THSD7A: variants seen among roughly 807,000 people sequenced by gnomAD.
THSD7A encodes thrombospondin type 1 domain containing 7A, also known as thrombospondin type-1 domain-containing protein 7A.
A neutral mutation model predicts 231.3 loss-of-function variants in THSD7A; 96 were observed. That is an observed-to-expected ratio of 0.41 (90% CI 0.35 to 0.49). The LOEUF is 0.49. Ranked by LOEUF, THSD7A falls within the 20% of genes least tolerant of loss-of-function variation. THSD7A has a pLI of 0.05. For missense variants in THSD7A, 2,290 were observed against 2,070.2 expected (o/e 1.11, Z -2.06); for synonymous variants, 940 against 743.3 (o/e 1.26, Z -4.30).
chr7:11,788,889 T>C (rs1275929981), intron 1 of THSD7A, among the ~76,000 whole-genome samples: 2 of 151,928 alleles, frequency 1.3e-5, no homozygotes, highest in Admixed American at 6.6e-5. Flanking sequence ...AGGTAATCAA[T>C]AAATGTAGCT....
At chr7:11,804,873 C>G (rs1197082561) in intron 1 of THSD7A, among the ~76,000 whole-genome samples, 2 of 152,178 alleles carry the variant, frequency 1.3e-5, no homozygotes, top group East Asian at 3.9e-4. Context: ...GACCATTTAA[C>G]TGGTATGTTG....
At chr7:11,736,892 G>A (rs1781934780) in intron 1 of THSD7A, among the ~76,000 whole-genome samples, 1 of 151,864 alleles carries the variant, frequency 6.6e-6, no homozygotes, top group African/African-American at 2.4e-5. Context: ...TGAATCATGG[G>A]GGCAGTTTCC....
chr7:11,392,912 C>G (rs1402151786), intron 23 of THSD7A, among the ~76,000 whole-genome samples: 1 of 151,890 alleles, frequency 6.6e-6, no homozygotes, highest in Non-Finnish European at 1.5e-5. Flanking sequence ...ACTCCCATCT[C>G]CCTGGGATAG....
chr7:11,704,397 T>C (rs913421491), intron 1 of THSD7A, among the ~76,000 whole-genome samples: 2 of 150,916 alleles, frequency 1.3e-5, no homozygotes, highest in Non-Finnish European at 3.0e-5. Context: ...TCCTGAGTCA[T>C]GTAGAAGGTA....
At chr7:11,426,899 C>G (rs1487085100) in intron 14 of THSD7A, among the ~76,000 whole-genome samples, 4 of 152,050 alleles carry the variant, frequency 2.6e-5, no homozygotes, top group Non-Finnish European at 5.9e-5. Flanking sequence ...TTGTAAATAG[C>G]AGAGCCAATG....
intron 4 of THSD7A, among the ~76,000 whole-genome samples, chr7:11,551,362 G>T (rs1789619527): frequency 6.6e-6 from 1 of 152,008 alleles, no homozygotes; most frequent in Admixed American, 6.6e-5. Flanking sequence ...TTAAACTAAA[G>T]AGCTACTTCT....
rs1264569617 is a variant in THSD7A at position 11,374,645 on chromosome 7, A to G, written c.*1149T>C. 1 of 151,928 alleles carries G rather than the reference A, an allele frequency of 6.6e-6. No homozygotes were observed. The highest frequency in any genetic ancestry group is 1.5e-5 in the Non-Finnish European group (1 of 67,960). The allele number at this position is 151,928 out of a possible 1,614,324, so 9.4% of individuals were successfully genotyped here. Reference sequence around the variant, plus strand: ...TTTTTCTTTTTTTTTCTTAACAAAGATAACAAATATAAAAATCTAGTCATA... The same window carrying G: ...TTTTTCTTTTTTTTTCTTAACAAAGGTAACAAATATAAAAATCTAGTCATA... On this transcript the variant is annotated 3_prime_UTR_variant, in exon 28 of 28. Transcript: ENST00000423059.
intron 6 of THSD7A, among the ~76,000 whole-genome samples, chr7:11,506,922 T>C (rs1787568735): frequency 1.3e-5 from 2 of 152,226 alleles, no homozygotes; most frequent in Admixed American, 6.5e-5. Flanking sequence ...ATGTTGATCA[T>C]GAACTGTATC....
chr7:11,709,897 T>C (rs1404896726), intron 1 of THSD7A, among the ~76,000 whole-genome samples: 4 of 150,936 alleles, frequency 2.7e-5, no homozygotes, highest in Middle Eastern at 3.4e-3. Flanking sequence ...ATGGGATCAG[T>C]GCAAACATGC....
intron 1 of THSD7A, among the ~76,000 whole-genome samples, chr7:11,692,568 C>A (rs1244431687): frequency 1.3e-5 from 2 of 151,674 alleles, no homozygotes; most frequent in Middle Eastern, 3.4e-3. Flanking sequence ...CAAAGCTACT[C>A]TGGTGTGAAG....
chr7:11,640,295 A>G (rs984541665), intron 1 of THSD7A, among the ~76,000 whole-genome samples: 3 of 152,224 alleles, frequency 2.0e-5, no homozygotes, highest in Non-Finnish European at 4.4e-5. Flanking sequence ...CCAAATCAAG[A>G]AAATACTTCC....
intron 23 of THSD7A, among the ~76,000 whole-genome samples, chr7:11,396,041 T>C (rs1477469134): frequency 6.6e-6 from 1 of 152,076 alleles, no homozygotes; most frequent in South Asian, 2.1e-4. Context: ...CCTGAATGAC[T>C]ACTGGGTAAA....
chr7:11,674,752 T>A (rs775056335), intron 1 of THSD7A, among the ~76,000 whole-genome samples: 1 of 152,104 alleles, frequency 6.6e-6, no homozygotes, highest in Non-Finnish European at 1.5e-5. Context: ...TATACAAAAA[T>A]CCAGAGTGTT....
chr7:11,652,380 C>T (rs1002838812), intron 1 of THSD7A, among the ~76,000 whole-genome samples: 12 of 151,916 alleles, frequency 7.9e-5, no homozygotes, highest in African/African-American at 1.4e-4. Context: ...AACACTAAAA[C>T]GCATGACTTA....
chr7:11,713,471 C>A (rs1781030857), intron 1 of THSD7A, among the ~76,000 whole-genome samples: 1 of 151,184 alleles, frequency 6.6e-6, no homozygotes, highest in African/African-American at 2.4e-5. Context: ...AGAATGAGAA[C>A]TAAATTTACT....
chr7:11,650,125 T>G (rs890790907), intron 1 of THSD7A, among the ~76,000 whole-genome samples: 1 of 152,132 alleles, frequency 6.6e-6, no homozygotes, highest in African/African-American at 2.4e-5. Context: ...TCAAAGGCTG[T>G]GTTGATTTCT....
intron 6 of THSD7A, among the ~76,000 whole-genome samples, chr7:11,533,845 T>A (rs1443591611): frequency 6.6e-6 from 1 of 152,162 alleles, no homozygotes; most frequent in Non-Finnish European, 1.5e-5. Context: ...TGTATACTTA[T>A]GTAACAAACC....
At chr7:11,817,120 C>T (rs1255891147) in intron 1 of THSD7A, among the ~76,000 whole-genome samples, 3 of 152,104 alleles carry the variant, frequency 2.0e-5, no homozygotes, top group East Asian at 1.9e-4. Flanking sequence ...TTTTGAACCA[C>T]GTATATTGAC....
intron 6 of THSD7A, among the ~76,000 whole-genome samples, chr7:11,505,758 A>C (rs1268144454): frequency 6.6e-6 from 1 of 152,204 alleles, no homozygotes; most frequent in African/African-American, 2.4e-5. Flanking sequence ...GTTAGGATTC[A>C]GAATAACTGG....
Sources: gnomAD v4.1 joint callset for allele counts (sites outside exome capture counted in the v4.1 genomes callset) on GRCh38, gnomAD v4.1.1 for gene constraint, MANE v1.5 for transcripts, NCBI Gene and HGNC (gene_info 2026-07-23, HGNC 2026-07-21) for gene names.